The following ANTXR2 variants were observed in gnomAD, a reference collection of about 807,000 sequenced individuals.
The protein encoded by ANTXR2 is ANTXR cell adhesion molecule 2.
Under a neutral mutation model 73.7 loss-of-function variants are expected in ANTXR2, and 44 were observed. That is an observed-to-expected ratio of 0.60 (90% CI 0.47 to 0.77). ANTXR2 has a LOEUF of 0.77. Among genes scored for constraint, ANTXR2 ranks in the 30% least tolerant of loss-of-function variants. ANTXR2 has a pLI of 0.00. For missense variants in ANTXR2, 604 were observed against 592.5 expected (o/e 1.02, Z -0.20); for synonymous variants, 217 against 205.9 (o/e 1.05, Z -0.46).
At chr4:80,004,025 G>A (rs1196417853) in intron 12 of ANTXR2, among the ~76,000 whole-genome samples, 1 of 151,696 alleles carries the variant, frequency 6.6e-6, no homozygotes, top group African/African-American at 2.4e-5. Context: ...TTCAACAGGT[G>A]AATAATTCAA....
intron 11 of ANTXR2, 64 bp downstream of exon 11, chr4:80,018,834 T>C: frequency 8.0e-7 from 1 of 1,245,318 alleles, no homozygotes; most frequent in East Asian, 2.8e-5. Context: ...ACACCAAAGA[T>C]CCATAGATTA....
intron 7 of ANTXR2, 95 bp from the exon 8 acceptor site, chr4:80,036,127 C>G: frequency 1.0e-6 from 1 of 999,134 alleles, no homozygotes; most frequent in Non-Finnish European, 1.5e-6. Context: ...GAGGTCTTCT[C>G]CATACTTCAA....
chr4:80,034,313 T>C (rs1305474812), intron 8 of ANTXR2, among the ~76,000 whole-genome samples: 1 of 152,138 alleles, frequency 6.6e-6, no homozygotes, highest in East Asian at 1.9e-4. Flanking sequence ...AGCTGCAAGA[T>C]AGTATACTAA....
rs1379443649 is a variant in ANTXR2 at position 80,073,226 on chromosome 4, G to C, written c.-666C>G. 1 of 152,602 alleles carries C rather than the reference G, an allele frequency of 6.6e-6. No homozygotes were observed. The highest frequency in any genetic ancestry group is 1.5e-5 in the Non-Finnish European group (1 of 68,372). 9.5% of individuals were successfully genotyped at this position (152,602 alleles called of 1,614,324 possible). On this transcript the variant is annotated 5_prime_UTR_variant, in exon 1 of 17. Coordinates refer to ENST00000403729, the MANE Select transcript of ANTXR2 (RefSeq NM_058172.6). ...CCCGCTCGGGCCGGGTCTGGGCTGC[G>C]TGTGTCAGTGTGCGCCTGGGGACGA...
chr4:80,057,862 T>G (rs2110111022), intron 3 of ANTXR2, among the ~76,000 whole-genome samples: 1 of 152,184 alleles, frequency 6.6e-6, no homozygotes, highest in East Asian at 1.9e-4. Context: ...TAATGTCATT[T>G]GCAAAGTAAG....
chr4:79,920,344 T>G (rs1727546205), intron 16 of ANTXR2, among the ~76,000 whole-genome samples: 1 of 152,126 alleles, frequency 6.6e-6, no homozygotes, highest in South Asian at 2.1e-4. Flanking sequence ...GCAATCAATA[T>G]GATGGATCAG....
At chr4:79,952,479 T>C (rs1035760828) in intron 16 of ANTXR2, among the ~76,000 whole-genome samples, 1 of 151,884 alleles carries the variant, frequency 6.6e-6, no homozygotes, top group African/African-American at 2.4e-5. Context: ...CTAATCTTAC[T>C]AGAAAATATT....
chr4:80,009,970 C>G (rs541143423), intron 11 of ANTXR2, among the ~76,000 whole-genome samples: 2 of 151,344 alleles, frequency 1.3e-5, no homozygotes, highest in South Asian at 4.2e-4. Flanking sequence ...ACTGTACAAA[C>G]AGTTTCCAAG....
Position 79,908,282 on chromosome 4 carries a change from G to T in ANTXR2, c.1429-815C>A, listed in dbSNP as rs551849773. Among the ~76,000 whole-genome samples, 152 of 152,268 alleles carry T rather than the reference G, an allele frequency of 1.0e-3. 1 individual carries two copies. The highest frequency in any genetic ancestry group is 1.5e-3 in the Non-Finnish European group (103 of 68,000). The stretch of plus-strand genomic sequence containing the variant: ...CTAGCATAGTGCTTTCTAAGTTAGG[G>T]TCAGGATTATCACCCTATTGACATT... On this transcript the variant is annotated intron_variant, in intron 16 of 16. Coordinates refer to ENST00000403729, the MANE Select transcript of ANTXR2 (RefSeq NM_058172.6).
chr4:80,034,528 T>C (rs1008785302), intron 8 of ANTXR2, among the ~76,000 whole-genome samples: 3 of 152,136 alleles, frequency 2.0e-5, no homozygotes, highest in Non-Finnish European at 4.4e-5. Context: ...CGGGTTATAG[T>C]TACACAGTTG....
intron 12 of ANTXR2, among the ~76,000 whole-genome samples, chr4:80,001,695 T>C (rs1419173646): frequency 6.6e-6 from 1 of 151,152 alleles, no homozygotes; most frequent in African/African-American, 2.4e-5. Context: ...AGTCTCTTTG[T>C]AGGTCACTCA....
intron 3 of ANTXR2, among the ~76,000 whole-genome samples, chr4:80,068,864 T>G (rs1734648517): frequency 6.6e-6 from 1 of 152,194 alleles, no homozygotes; most frequent in Non-Finnish European, 1.5e-5. Context: ...TATGAAATAC[T>G]GTGACATTGG....
intron 10 of ANTXR2, among the ~76,000 whole-genome samples, chr4:80,029,164 TG>T (rs1233042835): frequency 1.3e-5 from 2 of 152,142 alleles, no homozygotes; most frequent in Non-Finnish European, 2.9e-5. Flanking sequence ...ATAATTAAAG[TG>T]TATCACTAGC....
At chr4:80,046,480 A>G (rs1434434577) in intron 7 of ANTXR2, among the ~76,000 whole-genome samples, 1 of 151,808 alleles carries the variant, frequency 6.6e-6, no homozygotes, top group Non-Finnish European at 1.5e-5. Context: ...AGATAAAATA[A>G]TAATAAATAG....
At chr4:79,920,394 T>C (rs939478427) in intron 16 of ANTXR2, among the ~76,000 whole-genome samples, 34 of 152,218 alleles carry the variant, frequency 2.2e-4, no homozygotes, top group African/African-American at 7.0e-4. Flanking sequence ...CTTGGTATCA[T>C]TAAACATGTA....
At chr4:79,980,921 T>TAAAA (rs11397721) in intron 14 of ANTXR2, among the ~76,000 whole-genome samples, 9 of 137,570 alleles carry the variant, frequency 6.5e-5, no homozygotes, top group African/African-American at 2.5e-4. Flanking sequence ...TTAAGGGCTT[T>TAAAA]AAAAAAAAAA....
intron 11 of ANTXR2, among the ~76,000 whole-genome samples, chr4:80,009,846 C>CAAAA (rs932231740): frequency 1.2e-5 from 1 of 82,092 alleles, no homozygotes; most frequent in Admixed American, 1.5e-4. Flanking sequence ...GACTCCATCT[C>CAAAA]AAAAAAAAAA....
chr4:80,035,686 T>C (rs953375623), intron 8 of ANTXR2, among the ~76,000 whole-genome samples: 2 of 152,138 alleles, frequency 1.3e-5, no homozygotes, highest in African/African-American at 2.4e-5. Flanking sequence ...AATTTCATAT[T>C]TTATTTTATT....
chr4:79,919,461 T>C (rs1232339006), intron 16 of ANTXR2, among the ~76,000 whole-genome samples: 1 of 152,034 alleles, frequency 6.6e-6, no homozygotes, highest in African/African-American at 2.4e-5. Context: ...AACATTTGAG[T>C]CAGTGGACTT....
Sources: allele counts gnomAD v4.1 joint callset (sites outside exome capture counted in the v4.1 genomes callset), GRCh38; gene constraint gnomAD v4.1.1; transcripts MANE v1.5; gene names NCBI Gene and HGNC (gene_info 2026-07-23, HGNC 2026-07-21).